Variants in SSBP3 observed in about 807,000 individuals in gnomAD.
The protein encoded by SSBP3 is single-stranded DNA-binding protein 3.
In SSBP3, 5 loss-of-function variants were observed where a neutral mutation model predicts 69.6. That is an observed-to-expected ratio of 0.07 (90% CI 0.04 to 0.15). SSBP3 has a LOEUF of 0.15. SSBP3 is among the 10% of genes least tolerant of loss of function. The probability of loss-of-function intolerance (pLI) is 1.00; values close to 1 mark genes in which losing one functional copy is unlikely to be tolerated. For missense variants in SSBP3, 312 were observed against 534.0 expected, an observed-to-expected ratio of 0.58 and a Z score of 4.10; for synonymous variants, 196 against 193.4, an observed-to-expected ratio of 1.01 and a Z score of -0.11.
chr1:54,230,075 A>C lies in SSBP3; in HGVS notation c.928-1249T>G, dbSNP rs1367235316. ...GGTCCCACATGAGCAGAAGGCTACC[A>C]AGTGGGTGGCAGCATGGCGTGCCAG... On this transcript the variant is annotated intron_variant, in intron 14 of 17. Coordinates refer to ENST00000610401, the Ensembl canonical transcript of SSBP3. Among the ~76,000 whole-genome samples the C allele has an allele frequency of 2.6e-5, 4 of 152,228 alleles. No homozygotes were observed. The East Asian group carries it at 7.7e-4, about 29-fold the overall frequency.
chr1:54,342,401 A>G (rs1397175770), intron 4 of SSBP3, among the ~76,000 whole-genome samples: 1 of 152,254 alleles, frequency 6.6e-6, no homozygotes, highest in Admixed American at 6.5e-5. Flanking sequence ...TGGGTGGATC[A>G]ATAGCCCTCT....
At chr1:54,232,474 C>T (rs1019975495) in intron 14 of SSBP3, among the ~76,000 whole-genome samples, 1 of 152,262 alleles carries the variant, frequency 6.6e-6, no homozygotes, top group East Asian at 1.9e-4. Context: ...GTGGCTCGCA[C>T]CTGTAATCCC....
At chr1:54,251,683 T>G in exon 9 of SSBP3, 1 of 1,557,408 alleles carries the variant, frequency 6.4e-7, no homozygotes, top group Non-Finnish European at 8.7e-7. Flanking sequence ...TCCTCCCATG[T>G]TGGGGTGGCC....
At chr1:54,380,967 A>T (rs1417741782) in intron 4 of SSBP3, among the ~76,000 whole-genome samples, 1 of 152,070 alleles carries the variant, frequency 6.6e-6, no homozygotes, top group African/African-American at 2.4e-5. Flanking sequence ...AAAAAAAAAA[A>T]ATCTGACAAT....
Position 54,227,164 on chromosome 1 carries a change from G to T in SSBP3, c.1138-4C>A. ...TCATCGTCATGCTTGGAGAATACTG[G>T]AAAGGAGAAGCAGAGAAGGGGGGGG... On this transcript the variant is annotated splice_region_variant and splice_polypyrimidine_tract_variant and intron_variant, in intron 17 of 17. Coordinates refer to ENST00000610401, the Ensembl canonical transcript of SSBP3. The T allele has an allele frequency of 2.2e-6, 2 of 894,860 alleles. No individual in the cohort carries two copies. Among genetic ancestry groups the T allele is most frequent in the South Asian group, 2.6e-5 (2 of 78,380 alleles). The allele number at this position is 894,860 out of a possible 1,614,324, so 55.4% of individuals were successfully genotyped here.
chr1:54,240,087 T>TGTGTGTGTGCGC (rs1159547661), intron 13 of SSBP3, among the ~76,000 whole-genome samples: 8 of 42,342 alleles, frequency 1.9e-4, no homozygotes, highest in Admixed American at 5.0e-4. Flanking sequence ...TGTGTGTGTG[T>TGTGTGTGTGCGC]GCGCGCGCGC....
exon 14 of SSBP3, chr1:54,239,141 G>A (rs779702779): frequency 2.5e-6 from 4 of 1,613,992 alleles, no homozygotes; most frequent in African/African-American, 2.7e-5. Flanking sequence ...TGGACCGGCT[G>A]CCTCCAGGCG....
chr1:54,268,295 T>A (rs1016242609), intron 5 of SSBP3, among the ~76,000 whole-genome samples: 7 of 152,260 alleles, frequency 4.6e-5, no homozygotes, highest in Non-Finnish European at 1.0e-4. Flanking sequence ...ATCCCACTTC[T>A]GCCCGCCGGC....
At chr1:54,322,758 G>A (rs1426252973) in intron 4 of SSBP3, among the ~76,000 whole-genome samples, 2 of 151,992 alleles carry the variant, frequency 1.3e-5, no homozygotes, top group African/African-American at 2.4e-5. Flanking sequence ...AACCAACCTA[G>A]GTTCAAGCAA....
chr1:54,405,022 G>A lies in SSBP3; in HGVS notation c.57-92C>T, dbSNP rs1044435742. The A allele has an allele frequency of 3.5e-6, 4 of 1,141,222 alleles. No individual in the cohort carries two copies. In the Admixed American group the frequency reaches 7.8e-5, roughly 22 times the overall value. 70.7% of individuals were successfully genotyped at this position (1,141,222 alleles called of 1,614,324 possible). On this transcript the variant is annotated intron_variant, in intron 1 of 17. Coordinates refer to ENST00000610401, the Ensembl canonical transcript of SSBP3. ...ACCTTGCCAGCAGGCTTTGAGCCCT[G>A]TCTGCGCCGTCCCATTGTGGCCCCG...
intron 14 of SSBP3, among the ~76,000 whole-genome samples, chr1:54,230,048 G>A (rs1413539801): frequency 6.6e-6 from 1 of 152,232 alleles, no homozygotes; most frequent in East Asian, 1.9e-4. Context: ...CTCTAAGGCA[G>A]GGGTCCCACA....
intron 14 of SSBP3, among the ~76,000 whole-genome samples, chr1:54,233,003 C>T (rs1381905532): frequency 3.3e-5 from 5 of 152,096 alleles, no homozygotes; most frequent in Admixed American, 3.3e-4. Context: ...CGGCCGCCAC[C>T]CGTCTGGGAA....
intron 4 of SSBP3, among the ~76,000 whole-genome samples, chr1:54,329,812 G>A (rs1646376235): frequency 6.6e-6 from 1 of 152,162 alleles, no homozygotes. Flanking sequence ...AATGGGGGAG[G>A]GGACAAGCCT....
At chr1:54,411,747 C>T (rs1478544811) in intron 1 of SSBP3, among the ~76,000 whole-genome samples, 8 of 152,042 alleles carry the variant, frequency 5.3e-5, no homozygotes, top group Non-Finnish European at 1.2e-4. Flanking sequence ...AAAAAATTAG[C>T]TGGGCATGGT....
At chr1:54,371,669 G>T (rs1647137143) in intron 4 of SSBP3, among the ~76,000 whole-genome samples, 1 of 152,188 alleles carries the variant, frequency 6.6e-6, no homozygotes, top group Admixed American at 6.5e-5. Context: ...AATATCGAGA[G>T]AGAAGACACA....
At chr1:54,242,419 T>C (rs1297902973) in intron 10 of SSBP3, among the ~76,000 whole-genome samples, 3 of 152,210 alleles carry the variant, frequency 2.0e-5, no homozygotes, top group Non-Finnish European at 4.4e-5. Flanking sequence ...AGGTAAACTT[T>C]ACAAAGTATA....
intron 4 of SSBP3, among the ~76,000 whole-genome samples, chr1:54,349,627 G>A (rs1469080168): frequency 2.0e-5 from 3 of 151,582 alleles, no homozygotes. Context: ...GCAGGTAAGG[G>A]TTTAGCCATG....
intron 4 of SSBP3, among the ~76,000 whole-genome samples, chr1:54,368,947 C>T (rs1013292420): frequency 1.3e-5 from 2 of 152,148 alleles, no homozygotes; most frequent in Non-Finnish European, 2.9e-5. Flanking sequence ...AAAGGTAAAA[C>T]CCTTGGGGGC....
chr1:54,300,419 C>T (rs772715642), intron 4 of SSBP3, among the ~76,000 whole-genome samples: 1 of 152,084 alleles, frequency 6.6e-6, no homozygotes, highest in Non-Finnish European at 1.5e-5. Flanking sequence ...AGCAGGTGCT[C>T]GGGGAGGATG....
Sources: gnomAD v4.1 joint callset for allele counts (sites outside exome capture counted in the v4.1 genomes callset) on GRCh38, gnomAD v4.1.1 for gene constraint, MANE v1.5 for transcripts, NCBI Gene and HGNC (gene_info 2026-07-23, HGNC 2026-07-21) for gene names.